Variants in SMPD3 observed in about 807,000 individuals in gnomAD.
The protein encoded by SMPD3 is nSMase-2.
In SMPD3, 21 loss-of-function variants were observed where a neutral mutation model predicts 55.7. That is an observed-to-expected ratio of 0.38 (90% CI 0.27 to 0.54). SMPD3 has a LOEUF of 0.54. Ranked by LOEUF, SMPD3 falls within the 20% of genes least tolerant of loss-of-function variation. SMPD3 has a pLI of 0.80. For synonymous variants in SMPD3, 457 were observed against 404.3 expected (o/e 1.13, Z -1.56); for missense variants, 842 against 899.6 (o/e 0.94, Z 0.82).
intron 7 of SMPD3, among the ~76,000 whole-genome samples, chr16:68,362,622 C>T (rs947077332): frequency 2.0e-5 from 3 of 152,220 alleles, no homozygotes; most frequent in Non-Finnish European, 2.9e-5. Flanking sequence ...CTGTGAGTGC[C>T]TGGACGGATG....
chr16:68,376,132 A>G (rs1044709598), intron 2 of SMPD3, among the ~76,000 whole-genome samples: 25 of 144,940 alleles, frequency 1.7e-4, no homozygotes, highest in Admixed American at 1.5e-3. Flanking sequence ...GCAACAACAC[A>G]TTAATTAGTC....
chr16:68,400,412 T>G (rs1297242261), intron 1 of SMPD3, among the ~76,000 whole-genome samples: 1 of 152,190 alleles, frequency 6.6e-6, no homozygotes, highest in Non-Finnish European at 1.5e-5. Context: ...TCCCAGGAAA[T>G]GGACCTAACC....
At chr16:68,411,562 A>G (rs1201947283) in intron 1 of SMPD3, among the ~76,000 whole-genome samples, 2 of 152,186 alleles carry the variant, frequency 1.3e-5, no homozygotes, top group African/African-American at 2.4e-5. Flanking sequence ...GCTGATGGCC[A>G]GCAGGGCTGC....
intron 1 of SMPD3, among the ~76,000 whole-genome samples, chr16:68,406,347 G>T (rs867130402): frequency 3.4e-4 from 52 of 152,280 alleles, no homozygotes; most frequent in African/African-American, 1.2e-3. Flanking sequence ...TAGAAAATAT[G>T]ATATTTCTGT....
At chr16:68,366,591 C>T (rs1020403154) in intron 3 of SMPD3, among the ~76,000 whole-genome samples, 1 of 152,374 alleles carries the variant, frequency 6.6e-6, no homozygotes, top group East Asian at 1.9e-4. Context: ...TGAGGCTGAG[C>T]ACGGTGGCTC....
At chr16:68,370,121 ACT>A (rs1180467781) in intron 3 of SMPD3, 1 of 152,254 alleles carries the variant, frequency 6.6e-6, no homozygotes, top group African/African-American at 2.4e-5. Flanking sequence ...AAAAGTCGAC[ACT>A]CTGAGCATCT....
At chr16:68,415,334 C>T (rs1357369892) in intron 1 of SMPD3, among the ~76,000 whole-genome samples, 2 of 152,032 alleles carry the variant, frequency 1.3e-5, no homozygotes, top group Non-Finnish European at 2.9e-5. Context: ...GGCAAGAGTC[C>T]TTGGGGGTCA....
At chr16:68,368,870 G>C (rs1019219049) in intron 3 of SMPD3, 1 of 152,208 alleles carries the variant, frequency 6.6e-6, no homozygotes, top group Non-Finnish European at 1.5e-5. Context: ...GGCAGGCCTG[G>C]GGCTGCTGAG....
chr16:68,386,020 G>A (rs745907703), intron 2 of SMPD3, among the ~76,000 whole-genome samples: 24 of 152,232 alleles, frequency 1.6e-4, no homozygotes, highest in Admixed American at 7.2e-4. Flanking sequence ...CCCAGGAGTT[G>A]GAGACCAGCT....
intron 1 of SMPD3, among the ~76,000 whole-genome samples, chr16:68,387,111 C>T (rs1450689218): frequency 6.6e-6 from 1 of 152,064 alleles, no homozygotes; most frequent in Admixed American, 6.5e-5. Flanking sequence ...ATCTCTGCTT[C>T]CCTAAGATAC....
In SMPD3 at chr16:68,407,873, G is replaced by A. The variant is rs570633872; in HGVS notation, c.-268-21214C>T. 4.6e-5 allele frequency among the ~76,000 whole-genome samples: 7 copies of A among 152,202 alleles called. No individual in the cohort carries two copies. In the South Asian group the frequency reaches 1.5e-3, roughly 32 times the overall value. ...ACAGTGAAAATAAAAGTTTCTACTG[G>A]CAGAGGAAAAATAAGTGTTTAAAAA... On this transcript the variant is annotated intron_variant, in intron 1 of 8. Transcript: ENST00000219334.
At chr16:68,370,830 G>C (rs1487834036) in intron 3 of SMPD3, 29 bp downstream of exon 3, 3 of 1,610,638 alleles carry the variant, frequency 1.9e-6, no homozygotes, top group African/African-American at 2.7e-5. Context: ...GCTGGCACGT[G>C]GTCCTCAGGC....
chr16:68,445,699 T>C (rs1006536221), intron 1 of SMPD3, among the ~76,000 whole-genome samples: 7 of 152,360 alleles, frequency 4.6e-5, no homozygotes, highest in African/African-American at 1.7e-4. Flanking sequence ...TCAGGCAGCC[T>C]GGGCTAGATA....
chr16:68,441,954 C>CG (rs1460742420), intron 1 of SMPD3, among the ~76,000 whole-genome samples: 2 of 151,996 alleles, frequency 1.3e-5, no homozygotes, highest in African/African-American at 4.8e-5. Context: ...TTTATAGAGA[C>CG]GGGGTCTCAC....
At chr16:68,445,528 GC>G (rs1382490293) in intron 1 of SMPD3, among the ~76,000 whole-genome samples, 1 of 152,170 alleles carries the variant, frequency 6.6e-6, no homozygotes, top group Non-Finnish European at 1.5e-5. Flanking sequence ...GTAGGAGGGA[GC>G]CCCCCAATAG....
At chr16:68,399,353 C>T (rs1328298584) in intron 1 of SMPD3, among the ~76,000 whole-genome samples, 2 of 152,236 alleles carry the variant, frequency 1.3e-5, no homozygotes, top group African/African-American at 4.8e-5. Context: ...CTTACCCCCA[C>T]TGCCCCATGG....
chr16:68,370,190 C>A (rs2089612954), intron 3 of SMPD3: 1 of 152,674 alleles, frequency 6.5e-6, no homozygotes, highest in South Asian at 2.1e-4. Flanking sequence ...AAAAACTCCT[C>A]CAATCGAATC....
chr16:68,428,226 T>A (rs1359341739), intron 1 of SMPD3, among the ~76,000 whole-genome samples: 1 of 152,092 alleles, frequency 6.6e-6, no homozygotes, highest in African/African-American at 2.4e-5. Flanking sequence ...CCTGTGAGCA[T>A]CTCCCAAGAA....
chr16:68,443,523 A>G (rs1326342430), intron 1 of SMPD3, among the ~76,000 whole-genome samples: 1 of 152,176 alleles, frequency 6.6e-6, no homozygotes, highest in Non-Finnish European at 1.5e-5. Flanking sequence ...TTTCTTAAAA[A>G]CGAAAAACAA....
Sources: allele counts gnomAD v4.1 joint callset (sites outside exome capture counted in the v4.1 genomes callset), GRCh38; gene constraint gnomAD v4.1.1; transcripts MANE v1.5; gene names NCBI Gene and HGNC (gene_info 2026-07-23, HGNC 2026-07-21).